GSG1L: variants seen among roughly 807,000 people sequenced by gnomAD.
GSG1L encodes the protein germ cell-specific gene 1-like protein.
Under a neutral mutation model 42.1 loss-of-function variants are expected in GSG1L, and 24 were observed. That is an observed-to-expected ratio of 0.57 (90% CI 0.41 to 0.80). The LOEUF (loss-of-function observed/expected upper bound fraction) is 0.80. Among genes scored for constraint, GSG1L ranks in the 30% least tolerant of loss-of-function variants. The pLI is 0.00. For missense variants in GSG1L, 445 were observed against 472.2 expected (o/e 0.94, Z 0.53); for synonymous variants, 215 against 203.5 (o/e 1.06, Z -0.48).
chr16:27,883,358 G>A (rs906909757), intron 3 of GSG1L, among the ~76,000 whole-genome samples: 2 of 152,064 alleles, frequency 1.3e-5, no homozygotes, highest in Admixed American at 6.5e-5. Context: ...GTGCATGGAG[G>A]CCAAATCCCA....
chr16:27,881,272 TG>T (rs1355000804), intron 3 of GSG1L, among the ~76,000 whole-genome samples: 1 of 143,582 alleles, frequency 7.0e-6, no homozygotes, highest in African/African-American at 2.6e-5. Context: ...GATGGGGTCT[TG>T]CTCTGTCACC....
intron 1 of GSG1L, among the ~76,000 whole-genome samples, chr16:28,010,204 G>A (rs1326854520): frequency 6.6e-6 from 1 of 152,194 alleles, no homozygotes; most frequent in Non-Finnish European, 1.5e-5. Context: ...CGGATCTTCA[G>A]TAAAGTCAGC....
At position 28,063,392 on chromosome 16, in the gene GSG1L, CA is replaced by C; in HGVS notation, c.32del (p.Leu11ArgfsTer5). 7.4e-7 allele frequency: 1 copy of C among 1,351,738 alleles called. No individual in the cohort carries two copies. Among genetic ancestry groups the C allele is most frequent in the Non-Finnish European group, 9.6e-7 (1 of 1,042,714 alleles). 83.7% of individuals were successfully genotyped at this position (1,351,738 alleles called of 1,614,324 possible). ...GCGCCAGCAGGTTCAGGGCCACGGC[CA>C]GGAGCGCTCGGCCGCGGCGGCTAGT... MKTSRRGRALLAVALNLLALL... is the reference protein window; with the variant it reads MKTSRRGRALXAVALNLLALL... On this transcript the variant is annotated frameshift_variant, in exon 1 of 7. Transcript: ENST00000447459. LOFTEE classifies it high-confidence loss of function. This position sits in a 1 kb window ranked among gnomAD's most constrained non-coding sequence, Gnocchi z 5.8.
intron 2 of GSG1L, among the ~76,000 whole-genome samples, chr16:27,949,140 C>T (rs533017222): frequency 6.6e-6 from 1 of 151,614 alleles, no homozygotes; most frequent in Non-Finnish European, 1.5e-5. Context: ...TGGTCTCTAA[C>T]TCCGGGGCTC....
At chr16:27,972,319 C>T (rs1277430087) in intron 1 of GSG1L, among the ~76,000 whole-genome samples, 1 of 152,244 alleles carries the variant, frequency 6.6e-6, no homozygotes, top group Non-Finnish European at 1.5e-5. Context: ...ATGAGGAACA[C>T]AGGATACTTC....
At chr16:27,816,800 C>G (rs543865949) in intron 5 of GSG1L, among the ~76,000 whole-genome samples, 1 of 152,256 alleles carries the variant, frequency 6.6e-6, no homozygotes, top group Admixed American at 6.5e-5. Flanking sequence ...GTCCCTGGAG[C>G]TAGAGCGAGT....
chr16:28,063,047 C>T lies in GSG1L; in HGVS notation c.349+29G>A. The T allele has an allele frequency of 2.9e-6, 4 of 1,384,440 alleles. No homozygotes were observed. Among genetic ancestry groups the T allele is most frequent in the South Asian group, 1.5e-5 (1 of 68,052 alleles). The allele number at this position is 1,384,440 out of a possible 1,614,324, so 85.8% of individuals were successfully genotyped here. ...CGCGCCGCCCCGGGGGAGCCGGAGC[C>T]GAGCTGGCCGCCGCCCGCGCGCACT... On this transcript the variant is annotated intron_variant, in intron 1 of 6. Coordinates refer to ENST00000447459, the MANE Select transcript of GSG1L (RefSeq NM_001109763.2). This position sits in a 1 kb window ranked among gnomAD's most constrained non-coding sequence, Gnocchi z 5.8.
At chr16:27,904,613 C>T (rs2084298956) in intron 2 of GSG1L, among the ~76,000 whole-genome samples, 1 of 152,084 alleles carries the variant, frequency 6.6e-6, no homozygotes, top group South Asian at 2.1e-4. Flanking sequence ...AGGTTTCTTC[C>T]AGGGCCCTAA....
At chr16:28,020,727 C>T (rs2085832892) in intron 1 of GSG1L, among the ~76,000 whole-genome samples, 1 of 152,210 alleles carries the variant, frequency 6.6e-6, no homozygotes. Flanking sequence ...CAACTTCTTG[C>T]TAGGGCTTTT....
intron 5 of GSG1L, among the ~76,000 whole-genome samples, chr16:27,822,941 A>C (rs553541875): frequency 6.7e-6 from 1 of 149,758 alleles, no homozygotes; most frequent in Non-Finnish European, 1.5e-5. Context: ...CCTCCCAAAA[A>C]GCTCCGGGGG....
At chr16:27,946,579 A>AG (rs2084864327) in intron 2 of GSG1L, among the ~76,000 whole-genome samples, 15 of 37,026 alleles carry the variant, frequency 4.1e-4, no homozygotes, top group African/African-American at 7.9e-4. Context: ...GAAAGAAAGA[A>AG]AGAGAGAGAG....
chr16:27,819,243 T>C (rs1202265966), intron 5 of GSG1L, among the ~76,000 whole-genome samples: 1 of 127,826 alleles, frequency 7.8e-6, no homozygotes, highest in Non-Finnish European at 1.7e-5. Flanking sequence ...AACAAGACTC[T>C]GTCTTAAAAA....
intron 3 of GSG1L, among the ~76,000 whole-genome samples, chr16:27,881,917 AAT>A (rs993912570): frequency 6.6e-5 from 10 of 152,050 alleles, no homozygotes; most frequent in South Asian, 2.1e-4. Flanking sequence ...GCTTTGCATC[AAT>A]ATGACTCCTG....
chr16:28,048,677 A>T (rs1179125639), intron 1 of GSG1L, among the ~76,000 whole-genome samples: 6 of 152,246 alleles, frequency 3.9e-5, no homozygotes, highest in Non-Finnish European at 8.8e-5. Context: ...TTAGAAAATC[A>T]TCTGAAAGAA....
At chr16:28,033,883 G>A (rs2085996287) in intron 1 of GSG1L, among the ~76,000 whole-genome samples, 1 of 152,180 alleles carries the variant, frequency 6.6e-6, no homozygotes, top group African/African-American at 2.4e-5. Flanking sequence ...AAATCGCACA[G>A]TGGAAAGCGG....
At chr16:27,961,607 C>T (rs775380867) in intron 2 of GSG1L, among the ~76,000 whole-genome samples, 16 of 152,202 alleles carry the variant, frequency 1.1e-4, no homozygotes, top group Non-Finnish European at 1.2e-4. Context: ...TTGATGCTTG[C>T]GACGTGCTTG....
chr16:27,925,851 G>A (rs1200163815), intron 2 of GSG1L, among the ~76,000 whole-genome samples: 2 of 152,244 alleles, frequency 1.3e-5, no homozygotes, highest in Non-Finnish European at 2.9e-5. Flanking sequence ...TGCCTGGGGC[G>A]TGCACAGAGT....
chr16:28,020,271 G>C (rs1229092955), intron 1 of GSG1L, among the ~76,000 whole-genome samples: 1 of 152,104 alleles, frequency 6.6e-6, no homozygotes, highest in Non-Finnish European at 1.5e-5. Context: ...AAACAGTTCT[G>C]GCGGCTACTC....
At chr16:28,056,870 G>A (rs1596738567) in intron 1 of GSG1L, among the ~76,000 whole-genome samples, 1 of 152,138 alleles carries the variant, frequency 6.6e-6, no homozygotes, top group Non-Finnish European at 1.5e-5. Flanking sequence ...GGGGACATCA[G>A]GGGTGCAGGG....
Sources: gnomAD v4.1 joint callset for allele counts (sites outside exome capture counted in the v4.1 genomes callset) on GRCh38, gnomAD v4.1.1 for gene constraint, Gnocchi (gnomAD v3.1) non-coding constraint, MANE v1.5 for transcripts, NCBI Gene and HGNC (gene_info 2026-07-23, HGNC 2026-07-21) for gene names.